Variants in AGBL1 observed in about 807,000 individuals in gnomAD.
AGBL1 encodes the protein AGBL carboxypeptidase 1.
AGBL1 carries 130 observed loss-of-function variants against 118.9 expected under a neutral mutation model. The ratio of observed to expected loss-of-function variants is 1.09; its 90% CI spans 0.95 to 1.26. The LOEUF (loss-of-function observed/expected upper bound fraction) is 1.26. Among genes scored for constraint, AGBL1 ranks in the 50% most tolerant of loss-of-function variants. AGBL1 has a pLI of 0.00. For synonymous variants in AGBL1, 555 were observed against 478.9 expected (o/e 1.16, Z -2.08); for missense variants, 1,584 against 1,298.1 (o/e 1.22, Z -3.38).
intron 21 of AGBL1, among the ~76,000 whole-genome samples, chr15:86,598,284 C>T (rs2084440196): frequency 6.6e-6 from 1 of 152,026 alleles, no homozygotes; most frequent in African/African-American, 2.4e-5. Flanking sequence ...TGCAATGGAC[C>T]ATAGTCTTGA....
intron 22 of AGBL1, among the ~76,000 whole-genome samples, chr15:86,761,004 A>G (rs1430167712): frequency 1.3e-5 from 2 of 152,072 alleles, no homozygotes; most frequent in Non-Finnish European, 1.5e-5. Flanking sequence ...CTGTTCAGCA[A>G]TTCATAGAGG....
At chr15:86,643,117 C>T (rs930061479) in intron 21 of AGBL1, among the ~76,000 whole-genome samples, 1 of 152,132 alleles carries the variant, frequency 6.6e-6, no homozygotes, top group African/African-American at 2.4e-5. Flanking sequence ...TTTCAGTCAT[C>T]ACATTTTGTA....
At position 86,087,627 on chromosome 15, in the gene AGBL1, G is replaced by A. The variant is rs145866700; in HGVS notation, c.51+7604G>A. ...TTACAGGCGTGAGCCACTGCACCCC[G>A]CCCTCATTTAATCTTTGCAACAATC... is the stretch of plus-strand genomic sequence containing the variant. On this transcript the variant is annotated intron_variant, in intron 1 of 22. Transcript: ENST00000614907. Among the ~76,000 whole-genome samples the A allele has an allele frequency of 7.3e-3, 1,117 of 152,196 alleles. 17 individuals carry two copies. The highest frequency in any genetic ancestry group is 0.026 in the African/African-American group (1,063 of 41,506).
chr15:86,236,936 G>GGT (rs2078555733), intron 6 of AGBL1, among the ~76,000 whole-genome samples: 1 of 74,632 alleles, frequency 1.3e-5, no homozygotes, highest in African/African-American at 5.5e-5. Context: ...TGTGGGCGGG[G>GGT]GGGGGCGGGG....
In AGBL1 at chr15:86,771,003, C is replaced by A. The variant is rs76236136; in HGVS notation, c.3158+96567C>A. 2.0e-5 allele frequency among the ~76,000 whole-genome samples: 3 copies of A among 152,118 alleles called. No homozygotes were observed. In the South Asian group the frequency reaches 6.2e-4, roughly 32 times the overall value. On this transcript the variant is annotated intron_variant, in intron 22 of 22. Coordinates refer to ENST00000614907, the MANE Select transcript of AGBL1 (RefSeq NM_001386094.1). ...CAGGATTGAGGTGTCCACTTCCAGG[C>A]CTCACTCGTAAAGGCATCCAATGTG...
At chr15:86,486,089 C>T (rs2082709040) in intron 18 of AGBL1, among the ~76,000 whole-genome samples, 1 of 152,060 alleles carries the variant, frequency 6.6e-6, no homozygotes, top group African/African-American at 2.4e-5. Flanking sequence ...AGCTTAGTCT[C>T]CTCATCATTA....
chr15:86,517,857 T>C (rs1484918664), intron 18 of AGBL1, among the ~76,000 whole-genome samples: 2 of 152,236 alleles, frequency 1.3e-5, no homozygotes, highest in Non-Finnish European at 2.9e-5. Flanking sequence ...GTGCAGTGTC[T>C]GGCCGATAGT....
At chr15:86,120,460 G>A (rs1422360583) in intron 1 of AGBL1, among the ~76,000 whole-genome samples, 1 of 152,176 alleles carries the variant, frequency 6.6e-6, no homozygotes, top group Non-Finnish European at 1.5e-5. Flanking sequence ...CTAAAAAATT[G>A]TATTAAGCAT....
chr15:86,991,010 A>G (rs1465411183), intron 24 of AGBL1, among the ~76,000 whole-genome samples: 4 of 152,186 alleles, frequency 2.6e-5, no homozygotes, highest in Non-Finnish European at 5.9e-5. Context: ...GAGGGGTAGG[A>G]TTACATAATT....
At chr15:87,028,301 G>C (rs888259349) in intron 24 of AGBL1, among the ~76,000 whole-genome samples, 14 of 152,052 alleles carry the variant, frequency 9.2e-5, no homozygotes, top group Admixed American at 6.6e-5. Flanking sequence ...CAGAGGCATT[G>C]TATTTCCTGT....
rs997830568 is a variant in AGBL1 at position 86,298,400 on chromosome 15, A to G, written c.2374+2992A>G. ...TATTCTTATATATATATGAATATATAAACACATGCCGTTGCTGTGTTTCTA... is the reference window on the plus strand; with the variant it reads ...TATTCTTATATATATATGAATATATGAACACATGCCGTTGCTGTGTTTCTA... On this transcript the variant is annotated intron_variant, in intron 17 of 22. Transcript: ENST00000614907. Among the ~76,000 whole-genome samples, 201 of 143,666 alleles carry G rather than the reference A, an allele frequency of 1.4e-3. 1 individual carries two copies. Among genetic ancestry groups the G allele is most frequent in the African/African-American group, 5.2e-3 (194 of 37,014 alleles). 94.3% of individuals were successfully genotyped at this position (143,666 alleles called of 152,430 possible). A position where few individuals can be genotyped will look rare whatever the true frequency, so the allele number is the denominator to read the frequency against.
chr15:86,826,710 A>C (rs1239221522), intron 22 of AGBL1, among the ~76,000 whole-genome samples: 2 of 152,112 alleles, frequency 1.3e-5, no homozygotes, highest in Non-Finnish European at 2.9e-5. Context: ...ACACAGTAAG[A>C]AATGCACTGG....
chr15:86,791,966 C>T (rs1274162507), intron 22 of AGBL1, among the ~76,000 whole-genome samples: 1 of 152,104 alleles, frequency 6.6e-6, no homozygotes, highest in African/African-American at 2.4e-5. Flanking sequence ...GAACTCCTGG[C>T]CTCAAGTGAT....
chr15:86,184,801 G>T (rs1175158533), intron 5 of AGBL1, among the ~76,000 whole-genome samples: 1 of 151,952 alleles, frequency 6.6e-6, no homozygotes, highest in Non-Finnish European at 1.5e-5. Flanking sequence ...AGTTCATATG[G>T]AACCAAAAAA....
chr15:86,571,165 G>T (rs1033635798), intron 21 of AGBL1, among the ~76,000 whole-genome samples: 12 of 152,138 alleles, frequency 7.9e-5, no homozygotes, highest in African/African-American at 2.9e-4. Context: ...ACTGCTGGGG[G>T]CCCCAAAGAT....
Position 86,817,496 on chromosome 15 carries a change from G to C in AGBL1, c.3159-89591G>C, listed in dbSNP as rs1555453350. On this transcript the variant is annotated intron_variant, in intron 22 of 22. Transcript: ENST00000614907. ...CACACACACACACACACACACAGAG[G>C]AGAGAGAGAGAGAAAGAGACAGGCA... is the stretch of plus-strand genomic sequence containing the variant. 1.0e-4 allele frequency among the ~76,000 whole-genome samples: 9 copies of C among 89,592 alleles called. No homozygotes were observed. The South Asian group carries it at 3.2e-3, about 32-fold the overall frequency. 58.8% of individuals were successfully genotyped at this position (89,592 alleles called of 152,430 possible). A position where few individuals can be genotyped will look rare whatever the true frequency, so the allele number is the denominator to read the frequency against.
At chr15:86,673,764 TA>T (rs1394981413) in intron 21 of AGBL1, among the ~76,000 whole-genome samples, 2 of 152,168 alleles carry the variant, frequency 1.3e-5, no homozygotes, top group Non-Finnish European at 2.9e-5. Flanking sequence ...TACAGCTGAA[TA>T]GGGGGTTCTA....
intron 17 of AGBL1, chr15:86,296,230 C>CA (rs1357925219): frequency 9.1e-5 from 12 of 131,898 alleles, no homozygotes; most frequent in East Asian, 4.2e-4. Context: ...AAAAAAAAAA[C>CA]AAAAAAACAA....
At chr15:86,440,969 G>A (rs1596118693) in intron 18 of AGBL1, among the ~76,000 whole-genome samples, 1 of 152,130 alleles carries the variant, frequency 6.6e-6, no homozygotes, top group East Asian at 1.9e-4. Flanking sequence ...TGGACATTGG[G>A]GTCAGAGTCA....
Sources: gnomAD v4.1 joint callset for allele counts (sites outside exome capture counted in the v4.1 genomes callset) on GRCh38, gnomAD v4.1.1 for gene constraint, MANE v1.5 for transcripts, NCBI Gene and HGNC (gene_info 2026-07-23, HGNC 2026-07-21) for gene names.